The following ZDHHC12 variants were observed in gnomAD, a reference collection of about 807,000 sequenced individuals.
ZDHHC12 encodes the protein palmitoyltransferase ZDHHC12.
In ZDHHC12, 26 loss-of-function variants were observed where a neutral mutation model predicts 33.2. That is an observed-to-expected ratio of 0.78 (90% CI 0.57 to 1.09). The LOEUF is 1.09. ZDHHC12 is among the 50% of genes least tolerant of loss of function. The pLI is 0.00. For synonymous variants in ZDHHC12, 154 were observed against 152.1 expected, an observed-to-expected ratio of 1.01 and a Z score of -0.09; for missense variants, 350 against 353.0, an observed-to-expected ratio of 0.99 and a Z score of 0.07.
At position 128,724,057 on chromosome 9, in the gene ZDHHC12, C is replaced by G; in HGVS notation, c.37G>C (p.Val13Leu). Residue 13 changes from valine (V) to leucine (L), a missense_variant, in exon 1 of 5, where the codon GTG becomes CTG. Val to Leu is a conservative substitution (Grantham distance 32, BLOSUM62 1). Coordinates refer to ENST00000372663, the MANE Select transcript of ZDHHC12 (RefSeq NM_032799.5). ...PWALLSPGVL[V>L]RTGHTVLTWG... ...GTCAGCACGGTGTGCCCGGTCCGCA[C>G]CAGGACCCCAGGGCTGAGGAGCGCC... 6.2e-7 allele frequency: 1 copy of G among 1,609,730 alleles called. No homozygotes were observed. Among genetic ancestry groups the G allele is most frequent in the Non-Finnish European group, 8.5e-7 (1 of 1,177,556 alleles).
Position 128,723,784 on chromosome 9 carries a change from A to G in ZDHHC12, c.100+210T>C. On this transcript the variant is annotated intron_variant, in intron 1 of 4. Transcript: ENST00000372663. This position sits in a 1 kb window ranked among gnomAD's most constrained non-coding sequence, Gnocchi z 4.4. The stretch of plus-strand genomic sequence containing the variant: ...ACAGGGCATTTGGCAATGATCAGGA[A>G]GATGCTGGGATTAATTAGGGATCAA... 2.7e-6 allele frequency: 2 copies of G among 738,614 alleles called. No homozygotes were observed. The highest frequency in any genetic ancestry group is 5.8e-5 in the East Asian group (2 of 34,728). The allele number at this position is 738,614 out of a possible 1,614,324, so 45.8% of individuals were successfully genotyped here.
In ZDHHC12 at chr9:128,720,917, T is replaced by A. The variant is rs1862523815; in HGVS notation, c.*264A>T. 9 of 578,700 alleles carry A rather than the reference T, an allele frequency of 1.6e-5. No homozygotes were observed. Among genetic ancestry groups the A allele is most frequent in the African/African-American group, 1.9e-5 (1 of 53,572 alleles). 35.8% of individuals were successfully genotyped at this position (578,700 alleles called of 1,614,324 possible). On this transcript the variant is annotated 3_prime_UTR_variant, in exon 5 of 5. Transcript: ENST00000372663. This position sits in a 1 kb window ranked among gnomAD's most constrained non-coding sequence, Gnocchi z 5.5. ...GCTTTATATTAAATTTGTAAAAGTG[T>A]GCACTGGCAGCAGCCTGGGCGGGGC...
Position 128,721,962 on chromosome 9 carries a change from C to G in ZDHHC12, c.315+47G>C. On this transcript the variant is annotated intron_variant, in intron 3 of 4. Coordinates refer to ENST00000372663, the MANE Select transcript of ZDHHC12 (RefSeq NM_032799.5). This position sits in a 1 kb window ranked among gnomAD's most constrained non-coding sequence, Gnocchi z 6.9. ...GTGGGGCAGGAGGAGGTCGAGGAGT[C>G]TCAGCTTTGGCCCAACCTCTCCCAC... 1.2e-6 allele frequency: 2 copies of G among 1,613,172 alleles called. No homozygotes were observed. The highest frequency in any genetic ancestry group is 1.7e-4 in the Middle Eastern group (1 of 6,034).
In ZDHHC12 at chr9:128,723,603, A is replaced by G. The variant is rs896499167; in HGVS notation, c.100+391T>C. 34 of 353,332 alleles carry G rather than the reference A, an allele frequency of 9.6e-5. No individual in the cohort carries two copies. The highest frequency in any genetic ancestry group is 1.5e-4 in the Non-Finnish European group (30 of 194,024). The allele number at this position is 353,332 out of a possible 1,614,324, so 21.9% of individuals were successfully genotyped here. On this transcript the variant is annotated intron_variant, in intron 1 of 4. Coordinates refer to ENST00000372663, the MANE Select transcript of ZDHHC12 (RefSeq NM_032799.5). This position sits in a 1 kb window ranked among gnomAD's most constrained non-coding sequence, Gnocchi z 4.4. Reference sequence around the variant, plus strand: ...GTGTGGGGGGTGTGGGTGTGGGCAGAATGCCAATCTTTGCATCTAGTTGAG... The same window carrying G: ...GTGTGGGGGGTGTGGGTGTGGGCAGGATGCCAATCTTTGCATCTAGTTGAG...
rs762118390 is a variant in ZDHHC12 at position 128,721,308 on chromosome 9, C to T, written c.677G>A (p.Arg226His). ...GCCTCGGTCGAAGGGGTTGCTGGGGCGCTGGCGGAGATAGGCGATGCGGTG... is the reference window on the plus strand; with the variant it reads ...GCCTCGGTCGAAGGGGTTGCTGGGGTGCTGGCGGAGATAGGCGATGCGGTG... ...SSHRIAYLRQ[R>H]PSNPFDRGLT... The change falls in exon 5 of 5, where the codon CGC (arginine) becomes CAC (histidine). Residue 226 changes from arginine to histidine, a missense_variant. By Grantham distance (29) the Arg-to-His change is conservative. Transcript: ENST00000372663. This position sits in a 1 kb window ranked among gnomAD's most constrained non-coding sequence, Gnocchi z 6.9. 1.5e-5 allele frequency: 24 copies of T among 1,594,036 alleles called. No individual in the cohort carries two copies. Among genetic ancestry groups the T allele is most frequent in the Middle Eastern group, 1.7e-4 (1 of 6,060 alleles).
chr9:128,724,069 G>C lies in ZDHHC12; in HGVS notation c.25C>G (p.Pro9Ala), dbSNP rs1245560985. Residue 9 changes from proline to alanine, a missense_variant, in exon 1 of 5, where the codon CCT becomes GCT. Coordinates refer to ENST00000372663, the MANE Select transcript of ZDHHC12 (RefSeq NM_032799.5). The stretch of plus-strand genomic sequence containing the variant: ...TGCCCGGTCCGCACCAGGACCCCAG[G>C]GCTGAGGAGCGCCCAGGGCGCCATC... MAPWALLS[P>A]GVLVRTGHTV... is the part of the protein sequence containing the mutation. 1.9e-6 allele frequency: 3 copies of C among 1,599,840 alleles called. No homozygotes were observed. Among genetic ancestry groups the C allele is most frequent in the South Asian group, 2.2e-5 (2 of 89,832 alleles).
At position 128,721,728 on chromosome 9, in the gene ZDHHC12, T is replaced by C. The variant is rs1862563824; in HGVS notation, c.405A>G (p.Gly135=). The stretch of plus-strand genomic sequence containing the variant: ...CCACAAAGAGTGGGTGGTTGCGCTC[T>C]CCCACACAGTTCTCCATCCAGGGGC... ...HHCPWMENCV[G]ERNHPLFVVY... is the part of the protein sequence containing the mutation. The change falls in exon 4 of 5, where the codon GGA becomes GGG. Residue 135 remains glycine, a synonymous_variant. Transcript: ENST00000372663. The surrounding 1 kb of genome is among the most constrained non-coding windows in gnomAD (Gnocchi z 6.9). The C allele has an allele frequency of 1.2e-6, 2 of 1,613,748 alleles. No homozygotes were observed. The highest frequency in any genetic ancestry group is 8.5e-7 in the Non-Finnish European group (1 of 1,179,992).
Position 128,721,535 on chromosome 9 carries a change from G to A in ZDHHC12, c.483-33C>T. ...GCAGGGGACAGGGGCCTGGTGCTGG[G>A]GGAGGGCAGGGGAGCCCTTCCCTCC... On this transcript the variant is annotated intron_variant, in intron 4 of 4. Coordinates refer to ENST00000372663, the MANE Select transcript of ZDHHC12 (RefSeq NM_032799.5). This position sits in a 1 kb window ranked among gnomAD's most constrained non-coding sequence, Gnocchi z 6.9. 1.3e-6 allele frequency: 2 copies of A among 1,590,964 alleles called. No homozygotes were observed. The highest frequency in any genetic ancestry group is 1.3e-5 in the African/African-American group (1 of 74,364).
At position 128,722,292 on chromosome 9, in the gene ZDHHC12, G is replaced by A. The variant is rs1862587828; in HGVS notation, c.237+146C>T. ...TCTCTTCCTTCTCTGGGGCCCAGCA[G>A]TTTCCTCACTACTGTAGATGGGGCT... On this transcript the variant is annotated intron_variant, in intron 2 of 4. Transcript: ENST00000372663. This position sits in a 1 kb window ranked among gnomAD's most constrained non-coding sequence, Gnocchi z 4.2. The A allele has an allele frequency of 3.3e-6, 4 of 1,194,588 alleles. No individual in the cohort carries two copies. The East Asian group carries it at 7.7e-5, about 23-fold the overall frequency. 74.0% of individuals were successfully genotyped at this position (1,194,588 alleles called of 1,614,324 possible). A position where few individuals can be genotyped will look rare whatever the true frequency, so the allele number is the denominator to read the frequency against.
Position 128,722,061 on chromosome 9 carries a change from G to A in ZDHHC12, c.263C>T (p.Ala88Val). Residue 88 changes from alanine (A) to valine (V), a missense_variant, in exon 3 of 5, where the codon GCC (alanine) becomes GTC (valine). Coordinates refer to ENST00000372663, the MANE Select transcript of ZDHHC12 (RefSeq NM_032799.5). This position sits in a 1 kb window ranked among gnomAD's most constrained non-coding sequence, Gnocchi z 4.2. Reference protein sequence around the residue: ...PQEELKEEQTAMVPPAIPLRR... With the variant: ...PQEELKEEQTVMVPPAIPLRR... ...AAGAGGGATGGCTGGAGGAACCATGGCTGTCTGCTCCTCTTTGAGCTCCTC... is the reference window on the plus strand; with the variant it reads ...AAGAGGGATGGCTGGAGGAACCATGACTGTCTGCTCCTCTTTGAGCTCCTC... The A allele has an allele frequency of 6.2e-7, 1 of 1,614,044 alleles. No individual in the cohort carries two copies. Among genetic ancestry groups the A allele is most frequent in the Non-Finnish European group, 8.5e-7 (1 of 1,179,994 alleles).
At position 128,721,037 on chromosome 9, in the gene ZDHHC12, G is replaced by T. The variant is rs1418377122; in HGVS notation, c.*144C>A. Reference sequence around the variant, plus strand: ...AAGGCAGAACTGCCCACCAAGGCAGGGATCTGTCTGACTTGAAGCTCCGTT... The same window carrying T: ...AAGGCAGAACTGCCCACCAAGGCAGTGATCTGTCTGACTTGAAGCTCCGTT... On this transcript the variant is annotated 3_prime_UTR_variant, in exon 5 of 5. Transcript: ENST00000372663. This position sits in a 1 kb window ranked among gnomAD's most constrained non-coding sequence, Gnocchi z 6.9. 24 of 849,834 alleles carry T rather than the reference G, an allele frequency of 2.8e-5. No homozygotes were observed. Among genetic ancestry groups the T allele is most frequent in the Non-Finnish European group, 5.3e-6 (3 of 570,912 alleles). 52.6% of individuals were successfully genotyped at this position (849,834 alleles called of 1,614,324 possible).
chr9:128,722,550 C>G lies in ZDHHC12; in HGVS notation c.125G>C (p.Gly42Ala). The G allele has an allele frequency of 6.3e-7, 1 of 1,591,996 alleles. No individual in the cohort carries two copies. Among genetic ancestry groups the G allele is most frequent in the Non-Finnish European group, 8.6e-7 (1 of 1,169,340 alleles). ...DTELRQWEEQGELLLPLTFLL... is the reference protein window; with the variant it reads ...DTELRQWEEQAELLLPLTFLL... ...GAAGGTGAGGGGCAGGAGCAGCTCC[C>G]CCTGCTCCTCCCATTGCCGCAGCTC... The change falls in exon 2 of 5, where the codon GGG (glycine) becomes GCG (alanine). Residue 42 changes from glycine to alanine, a missense_variant. Physicochemically the swap from Gly to Ala is moderately conservative, Grantham distance 60. Transcript: ENST00000372663. This position sits in a 1 kb window ranked among gnomAD's most constrained non-coding sequence, Gnocchi z 4.2.
In ZDHHC12 at chr9:128,721,340, G is replaced by C; in HGVS notation, c.645C>G (p.Ile215Met). The change falls in exon 5 of 5, where the codon ATC becomes ATG. Residue 215 changes from isoleucine to methionine, a missense_variant. Ile to Met is a conservative substitution (Grantham distance 10, BLOSUM62 1). Transcript: ENST00000372663. This position sits in a 1 kb window ranked among gnomAD's most constrained non-coding sequence, Gnocchi z 6.9. ...VASNTTTWEFISSHRIAYLRQ... is the reference protein window; with the variant it reads ...VASNTTTWEFMSSHRIAYLRQ... ...GGAGATAGGCGATGCGGTGTGAGGA[G>C]ATGAATTCCCAGGTGGTGGTGTTGC... 1.3e-6 allele frequency: 2 copies of C among 1,592,416 alleles called. No homozygotes were observed. The highest frequency in any genetic ancestry group is 1.8e-5 in the Admixed American group (1 of 55,972).
chr9:128,720,920 A>G lies in ZDHHC12; in HGVS notation c.*261T>C. On this transcript the variant is annotated 3_prime_UTR_variant, in exon 5 of 5. Coordinates refer to ENST00000372663, the MANE Select transcript of ZDHHC12 (RefSeq NM_032799.5). The surrounding 1 kb of genome is among the most constrained non-coding windows in gnomAD (Gnocchi z 5.5). ...TTATATTAAATTTGTAAAAGTGTGC[A>G]CTGGCAGCAGCCTGGGCGGGGCTGG... The G allele has an allele frequency of 1.7e-6, 1 of 579,110 alleles. No individual in the cohort carries two copies. Among genetic ancestry groups the G allele is most frequent in the Non-Finnish European group, 3.0e-6 (1 of 329,542 alleles). 35.9% of individuals were successfully genotyped at this position (579,110 alleles called of 1,614,324 possible).
Position 128,723,919 on chromosome 9 carries a change from G to A in ZDHHC12, c.100+75C>T. ...CAGGATCTCCAGGGATTAGGCGGGA[G>A]ACCCAGTGTGACCAGAACGTCTGGG... is the stretch of plus-strand genomic sequence containing the variant. On this transcript the variant is annotated intron_variant, in intron 1 of 4. Coordinates refer to ENST00000372663, the MANE Select transcript of ZDHHC12 (RefSeq NM_032799.5). The surrounding 1 kb of genome is among the most constrained non-coding windows in gnomAD (Gnocchi z 4.4). The A allele has an allele frequency of 1.3e-6, 2 of 1,543,580 alleles. No individual in the cohort carries two copies. Among genetic ancestry groups the A allele is most frequent in the Non-Finnish European group, 1.8e-6 (2 of 1,138,450 alleles).
In ZDHHC12 at chr9:128,722,651, G is replaced by A; in HGVS notation, c.101-77C>T. On this transcript the variant is annotated intron_variant, in intron 1 of 4. Coordinates refer to ENST00000372663, the MANE Select transcript of ZDHHC12 (RefSeq NM_032799.5). This position sits in a 1 kb window ranked among gnomAD's most constrained non-coding sequence, Gnocchi z 4.2. ...GTGGGGTTGGGGTGCAGTTGGAGGT[G>A]GGGAAGTGTGTTCCTGGCTGAGCAA... is the stretch of plus-strand genomic sequence containing the variant. 1 of 1,541,244 alleles carries A rather than the reference G, an allele frequency of 6.5e-7. No homozygotes were observed. The highest frequency in any genetic ancestry group is 8.8e-7 in the Non-Finnish European group (1 of 1,140,764).
In ZDHHC12 at chr9:128,720,899, A is replaced by G. The variant is rs1326643828; in HGVS notation, c.*282T>C. ...CTTTTTAAGACTGGACTTGCTTTAT[A>G]TTAAATTTGTAAAAGTGTGCACTGG... On this transcript the variant is annotated 3_prime_UTR_variant, in exon 5 of 5. Coordinates refer to ENST00000372663, the MANE Select transcript of ZDHHC12 (RefSeq NM_032799.5). This position sits in a 1 kb window ranked among gnomAD's most constrained non-coding sequence, Gnocchi z 5.5. 1 of 575,672 alleles carries G rather than the reference A, an allele frequency of 1.7e-6. No homozygotes were observed. Among genetic ancestry groups the G allele is most frequent in the Non-Finnish European group, 3.1e-6 (1 of 326,802 alleles). 35.7% of individuals were successfully genotyped at this position (575,672 alleles called of 1,614,324 possible).
At position 128,723,968 on chromosome 9, in the gene ZDHHC12, C is replaced by A; in HGVS notation, c.100+26G>T. 6.2e-7 allele frequency: 1 copy of A among 1,604,086 alleles called. No homozygotes were observed. Among genetic ancestry groups the A allele is most frequent in the Non-Finnish European group, 8.5e-7 (1 of 1,175,378 alleles). On this transcript the variant is annotated intron_variant, in intron 1 of 4. Transcript: ENST00000372663. The surrounding 1 kb of genome is among the most constrained non-coding windows in gnomAD (Gnocchi z 4.4). ...GGGAAGTACGCGGGATCGGGTGGGT[C>A]CGGGGTCGCTCGGGGTCCGGCTCAC...
In ZDHHC12 at chr9:128,723,492, TG is replaced by T. The variant is rs1564383182; in HGVS notation, c.100+501del. The T allele has an allele frequency of 5.9e-6, 1 of 169,334 alleles. No individual in the cohort carries two copies. The highest frequency in any genetic ancestry group is 1.3e-5 in the Non-Finnish European group (1 of 79,892). The allele number at this position is 169,334 out of a possible 1,614,324, so 10.5% of individuals were successfully genotyped here. ...GGAGGTGGGTGGGTGGGTGAATCTG[TG>T]GGAAGATGGGAGACAGGCCGCACCC... On this transcript the variant is annotated intron_variant, in intron 1 of 4. Transcript: ENST00000372663. This position sits in a 1 kb window ranked among gnomAD's most constrained non-coding sequence, Gnocchi z 4.4.
Sources: allele counts gnomAD v4.1 joint callset, GRCh38; gene constraint gnomAD v4.1.1; non-coding constraint Gnocchi (gnomAD v3.1); transcripts MANE v1.5; gene names NCBI Gene and HGNC (gene_info 2026-07-23, HGNC 2026-07-21).